Variants in GGACT observed in about 807,000 individuals in gnomAD.
GGACT encodes the protein gamma-glutamylamine cyclotransferase, also known as gamma-glutamylaminecyclotransferase.
For synonymous variants in GGACT, 118 were observed against 115.3 expected (o/e 1.02, Z -0.15); for missense variants, 241 against 233.2 (o/e 1.03, Z -0.22).
Position 100,530,292 on chromosome 13 carries a change from C to A in GGACT, c.*1838G>T. ...AGCTACGTTTACGTCGTCATTTATT[C>A]CACAGAGTCAAGACCAATATTCTGC... On this transcript the variant is annotated 3_prime_UTR_variant, in exon 3 of 3. Coordinates refer to ENST00000683975, the MANE Select transcript of GGACT (RefSeq NM_001195087.2). 1 of 801,440 alleles carries A rather than the reference C, an allele frequency of 1.2e-6. No homozygotes were observed. The highest frequency in any genetic ancestry group is 2.2e-6 in the Non-Finnish European group (1 of 463,396). 49.6% of individuals were successfully genotyped at this position (801,440 alleles called of 1,614,324 possible).
chr13:100,537,523 C>A (rs1351342099), intron 2 of GGACT: 1 of 152,120 alleles, frequency 6.6e-6, no homozygotes, highest in Non-Finnish European at 1.5e-5. Flanking sequence ...CTAAATGCAG[C>A]CATGCAGGGA....
intron 2 of GGACT, among the ~76,000 whole-genome samples, chr13:100,582,810 G>C (rs1875457723): frequency 6.6e-6 from 1 of 152,180 alleles, no homozygotes; most frequent in Non-Finnish European, 1.5e-5. Context: ...CGAGAAGCCA[G>C]GCGGTCTGAC....
chr13:100,549,630 C>T (rs1050988326), intron 2 of GGACT, among the ~76,000 whole-genome samples: 2 of 152,230 alleles, frequency 1.3e-5, no homozygotes, highest in Admixed American at 6.5e-5. Flanking sequence ...AGGCAGGACT[C>T]GTTTTGGTAG....
chr13:100,537,649 C>A (rs182660232), intron 2 of GGACT: 1 of 152,342 alleles, frequency 6.6e-6, no homozygotes, highest in South Asian at 2.1e-4. Flanking sequence ...GGGCGCCTCG[C>A]GGGAGACAGC....
At chr13:100,571,408 C>T (rs144810360) in intron 2 of GGACT, among the ~76,000 whole-genome samples, 1 of 152,320 alleles carries the variant, frequency 6.6e-6, no homozygotes, top group African/African-American at 2.4e-5. Context: ...TAATATCCTT[C>T]AGAACACAGA....
At chr13:100,573,207 C>T (rs1875139484) in intron 2 of GGACT, among the ~76,000 whole-genome samples, 1 of 152,138 alleles carries the variant, frequency 6.6e-6, no homozygotes, top group African/African-American at 2.4e-5. Context: ...TACCTTTGAA[C>T]GTCACTGTTT....
At chr13:100,547,687 T>TA (rs1044979689) in intron 2 of GGACT, among the ~76,000 whole-genome samples, 1 of 152,202 alleles carries the variant, frequency 6.6e-6, no homozygotes, top group African/African-American at 2.4e-5. Flanking sequence ...TGGCTTCCCT[T>TA]ACACTCACTT....
chr13:100,549,563 C>T (rs1482610766), intron 2 of GGACT, among the ~76,000 whole-genome samples: 1 of 152,236 alleles, frequency 6.6e-6, no homozygotes, highest in Non-Finnish European at 1.5e-5. Flanking sequence ...TCTCTTGTGC[C>T]AGCGGCAGGG....
chr13:100,537,752 G>A (rs186987197), intron 2 of GGACT: 4 of 152,488 alleles, frequency 2.6e-5, no homozygotes, highest in African/African-American at 7.2e-5. Context: ...GCCAGGCTGA[G>A]AACTTGCAAA....
intron 2 of GGACT, among the ~76,000 whole-genome samples, chr13:100,562,799 A>G (rs1228823195): frequency 2.6e-5 from 4 of 150,986 alleles, no homozygotes; most frequent in Non-Finnish European, 5.9e-5. Context: ...ATGTCTCAAA[A>G]AAAAAAAAAG....
chr13:100,567,441 C>T (rs890886698), intron 2 of GGACT, among the ~76,000 whole-genome samples: 1 of 152,196 alleles, frequency 6.6e-6, no homozygotes, highest in Non-Finnish European at 1.5e-5. Context: ...CCTCATTATT[C>T]CATTGCTTTC....
intron 2 of GGACT, among the ~76,000 whole-genome samples, chr13:100,559,586 C>G (rs1032788046): frequency 4.6e-5 from 7 of 152,090 alleles, no homozygotes; most frequent in East Asian, 1.9e-4. Context: ...CCTCTGCCTC[C>G]TGGGTTCAAG....
chr13:100,575,298 T>C (rs760414812), intron 2 of GGACT, among the ~76,000 whole-genome samples: 40 of 152,154 alleles, frequency 2.6e-4, no homozygotes, highest in Non-Finnish European at 5.1e-4. Context: ...AGTTTCATCG[T>C]AGGGGAGGAG....
At chr13:100,557,305 T>C (rs748637946) in intron 2 of GGACT, among the ~76,000 whole-genome samples, 7 of 152,204 alleles carry the variant, frequency 4.6e-5, no homozygotes, top group Non-Finnish European at 1.0e-4. Context: ...TAACGTGATA[T>C]GGAATTAGTG....
intron 2 of GGACT, among the ~76,000 whole-genome samples, chr13:100,570,293 G>C (rs530235322): frequency 6.6e-6 from 1 of 152,158 alleles, no homozygotes; most frequent in African/African-American, 2.4e-5. Context: ...AAAAGGAAGA[G>C]GTTTAATCGA....
At position 100,530,222 on chromosome 13, in the gene GGACT, T is replaced by G; in HGVS notation, c.*1908A>C. ...TTTAATTAGCCATTTGCATGATGCTTTCACACACAATTGATTCAAGCATTA... is the reference window on the plus strand; with the variant it reads ...TTTAATTAGCCATTTGCATGATGCTGTCACACACAATTGATTCAAGCATTA... On this transcript the variant is annotated 3_prime_UTR_variant, in exon 3 of 3. Transcript: ENST00000683975. 3.8e-6 allele frequency: 5 copies of G among 1,322,198 alleles called. No homozygotes were observed. The highest frequency in any genetic ancestry group is 1.2e-5 in the South Asian group (1 of 84,358). 81.9% of individuals were successfully genotyped at this position (1,322,198 alleles called of 1,614,324 possible).
intron 2 of GGACT, chr13:100,536,921 C>T (rs1332160507): frequency 1.3e-5 from 2 of 152,616 alleles, no homozygotes; most frequent in Non-Finnish European, 2.9e-5. Flanking sequence ...GTGCACACTC[C>T]CAGCCTTTCC....
intron 2 of GGACT, among the ~76,000 whole-genome samples, chr13:100,562,996 A>G (rs2088778917): frequency 6.6e-6 from 1 of 152,078 alleles, no homozygotes; most frequent in Non-Finnish European, 1.5e-5. Flanking sequence ...CAGACTCCAC[A>G]CAATCTTACT....
Position 100,530,927 on chromosome 13 carries a change from A to G in GGACT, c.*1203T>C, listed in dbSNP as rs1193244769. The G allele has an allele frequency of 2.0e-5, 3 of 152,350 alleles. No individual in the cohort carries two copies. Among genetic ancestry groups the G allele is most frequent in the Admixed American group, 2.0e-4 (3 of 15,294 alleles). The allele number at this position is 152,350 out of a possible 1,614,324, so 9.4% of individuals were successfully genotyped here. A position where few individuals can be genotyped will look rare whatever the true frequency, so the allele number is the denominator to read the frequency against. ...AGGGCCGCCACGAGCTCATCAGCTG[A>G]GACCCAGCGTAGCCTTTTTGTGTTT... is the stretch of plus-strand genomic sequence containing the variant. On this transcript the variant is annotated 3_prime_UTR_variant, in exon 3 of 3. Transcript: ENST00000683975.
Sources: allele counts gnomAD v4.1 joint callset (sites outside exome capture counted in the v4.1 genomes callset), GRCh38; gene constraint gnomAD v4.1.1; transcripts MANE v1.5; gene names NCBI Gene and HGNC (gene_info 2026-07-23, HGNC 2026-07-21).